The following UNC80 variants were observed in gnomAD, a reference collection of about 807,000 sequenced individuals.
The protein encoded by UNC80 is protein unc-80 homolog.
Under a neutral mutation model 384.6 loss-of-function variants are expected in UNC80, and 164 were observed. The ratio of observed to expected loss-of-function variants is 0.43; its 90% confidence interval spans 0.38 to 0.49. The LOEUF is 0.49. UNC80 is among the 20% of genes least tolerant of loss of function. The pLI is 0.00. For synonymous variants in UNC80, 1,486 were observed against 1,527.8 expected, an observed-to-expected ratio of 0.97 and a Z score of 0.64; for missense variants, 3,330 against 4,143.0, an observed-to-expected ratio of 0.80 and a Z score of 5.39.
chr2:209,944,442 C>A (rs1575101370), intron 45 of UNC80, among the ~76,000 whole-genome samples: 2 of 152,038 alleles, frequency 1.3e-5, no homozygotes, highest in Non-Finnish European at 2.9e-5. Flanking sequence ...ATGCTTTTGT[C>A]TTTGCTTGTT....
In UNC80 at chr2:209,819,083, A is replaced by G. The variant is rs1164824687; in HGVS notation, c.1784A>G (p.His595Arg). The change falls in exon 12 of 65, where the codon CAT becomes CGT. Residue 595 changes from histidine (H) to arginine (R), a missense_variant. By Grantham distance (29) the His-to-Arg change is conservative. Around this residue, in one of 8 missense-constraint regions of UNC80, gnomAD observed 937 missense variants for 1,026.8 expected, o/e 0.91. Coordinates refer to ENST00000673920, the MANE Select transcript of UNC80 (RefSeq NM_001371986.1). ...NVGYADFFNE[H>R]MRKLCNQVPI... ...GGCTATGCAGACTTTTTCAATGAGCATATGAGGAAACTCTGCAACCAGGTG... is the reference window on the plus strand; with the variant it reads ...GGCTATGCAGACTTTTTCAATGAGCGTATGAGGAAACTCTGCAACCAGGTG... 1 of 1,552,136 alleles carries G rather than the reference A, an allele frequency of 6.4e-7. No individual in the cohort carries two copies.
intron 4 of UNC80, among the ~76,000 whole-genome samples, chr2:209,785,636 A>T (rs151211276): frequency 6.6e-6 from 1 of 152,208 alleles, no homozygotes; most frequent in Non-Finnish European, 1.5e-5. Flanking sequence ...ACTGGACAAT[A>T]GAATGTCAAA....
At chr2:209,982,852 C>A (rs547792653) in intron 60 of UNC80, 2 of 151,760 alleles carry the variant, frequency 1.3e-5, no homozygotes, top group East Asian at 3.9e-4. Flanking sequence ...AACTTCTCAT[C>A]TATAGTTCTA....
At chr2:209,787,753 A>G (rs2077531936) in intron 5 of UNC80, among the ~76,000 whole-genome samples, 1 of 152,218 alleles carries the variant, frequency 6.6e-6, no homozygotes, top group Non-Finnish European at 1.5e-5. Flanking sequence ...TATAATAATA[A>G]CCAACAAGTA....
intron 22 of UNC80, among the ~76,000 whole-genome samples, chr2:209,864,748 A>T (rs2083590749): frequency 6.6e-6 from 1 of 152,138 alleles, no homozygotes; most frequent in African/African-American, 2.4e-5. Flanking sequence ...GGCTATAGAG[A>T]TGGGTGCCAC....
chr2:209,790,633 G>A (rs994671191), intron 6 of UNC80, among the ~76,000 whole-genome samples: 2 of 152,130 alleles, frequency 1.3e-5, no homozygotes, highest in Non-Finnish European at 2.9e-5. Flanking sequence ...ATAAGCATAT[G>A]TCAGAGGGAA....
intron 26 of UNC80, among the ~76,000 whole-genome samples, chr2:209,889,142 T>C (rs750587700): frequency 6.6e-6 from 1 of 152,196 alleles, no homozygotes; most frequent in Non-Finnish European, 1.5e-5. Flanking sequence ...TAACCAGATA[T>C]GAAGTTTTTA....
intron 7 of UNC80, among the ~76,000 whole-genome samples, chr2:209,813,158 G>A (rs971861292): frequency 6.6e-6 from 1 of 152,162 alleles, no homozygotes; most frequent in African/African-American, 2.4e-5. Flanking sequence ...TAGCATAAAG[G>A]AAGCATTTTA....
intron 24 of UNC80, among the ~76,000 whole-genome samples, chr2:209,879,006 T>C (rs552058305): frequency 6.6e-6 from 1 of 152,240 alleles, no homozygotes; most frequent in East Asian, 1.9e-4. Context: ...AGAAAACTCT[T>C]ATGATCTTCC....
intron 51 of UNC80, among the ~76,000 whole-genome samples, chr2:209,961,937 T>G (rs2092604317): frequency 6.6e-6 from 1 of 152,152 alleles, no homozygotes; most frequent in African/African-American, 2.4e-5. Flanking sequence ...CATTTTTGTT[T>G]AAGTTTAACA....
intron 7 of UNC80, among the ~76,000 whole-genome samples, chr2:209,804,752 GTTTTTTTT>G (rs1207346964): frequency 0.028 from 3,145 of 113,920 alleles, 106 homozygotes; most frequent in African/African-American, 0.11. Flanking sequence ...AATTTAGAGA[GTTTTTTTT>G]TTGTTTTGTT....
At chr2:209,943,303 G>C in intron 44 of UNC80, 77 bp from the exon 45 acceptor site, 1 of 1,511,260 alleles carries the variant, frequency 6.6e-7, no homozygotes, top group South Asian at 1.3e-5. Context: ...AGCTTCCCAT[G>C]ACCATGAGTT....
chr2:209,959,206 T>C, intron 50 of UNC80, 52 bp downstream of exon 50: 3 of 1,534,628 alleles, frequency 2.0e-6, no homozygotes, highest in Non-Finnish European at 2.7e-6. Context: ...CTTGAGATGA[T>C]TGCCTTTTAA....
intron 35 of UNC80, among the ~76,000 whole-genome samples, chr2:209,922,601 G>T (rs2090125811): frequency 6.6e-6 from 1 of 152,030 alleles, no homozygotes; most frequent in South Asian, 2.1e-4. Context: ...TAATTACATT[G>T]CATGTAATCA....
chr2:209,906,895 G>A (rs1477261723), intron 29 of UNC80, among the ~76,000 whole-genome samples: 1 of 152,042 alleles, frequency 6.6e-6, no homozygotes, highest in Non-Finnish European at 1.5e-5. Flanking sequence ...TATGTTGAAA[G>A]TTTCAAAAAT....
At chr2:209,941,549 G>T (rs762866283) in intron 44 of UNC80, 60 bp downstream of exon 44, 1 of 1,422,972 alleles carries the variant, frequency 7.0e-7, no homozygotes, top group Non-Finnish European at 9.3e-7. Context: ...ATATCTAGCC[G>T]TTCAACTAGA....
At chr2:209,817,993 C>T in intron 11 of UNC80, 41 bp downstream of exon 11, 5 of 1,547,860 alleles carry the variant, frequency 3.2e-6, no homozygotes, top group Non-Finnish European at 4.4e-6. Context: ...GTTCAGAGTT[C>T]TTTTTTTGTT....
At chr2:209,905,658 C>T (rs1015666985) in intron 29 of UNC80, among the ~76,000 whole-genome samples, 5 of 152,194 alleles carry the variant, frequency 3.3e-5, no homozygotes, top group African/African-American at 1.2e-4. Flanking sequence ...ACAGCAGCAA[C>T]AGGAAACTAA....
At position 209,820,452 on chromosome 2, in the gene UNC80, AAGGAAAATG is replaced by A. The variant is rs2080054815; in HGVS notation, c.2107_2115del (p.Glu703_Glu705del). On this transcript the variant is annotated inframe_deletion, in exon 13 of 65. Coordinates refer to ENST00000673920, the MANE Select transcript of UNC80 (RefSeq NM_001371986.1). ...AAAGAATAGAAAGAAGAGTGAAAACAAGGAAAATGAGACCTTGGAAAAGAGGCCAAGTGA... is the reference window on the plus strand; with the variant it reads ...AAAGAATAGAAAGAAGAGTGAAAACAAGACCTTGGAAAAGAGGCCAAGTGA... 1.3e-6 allele frequency: 2 copies of A among 1,551,756 alleles called. No homozygotes were observed. The highest frequency in any genetic ancestry group is 4.9e-5 in the East Asian group (2 of 40,922).
Sources: allele counts gnomAD v4.1 joint callset (sites outside exome capture counted in the v4.1 genomes callset), GRCh38; gene constraint gnomAD v4.1.1; regional missense constraint gnomAD v4.1.1; transcripts MANE v1.5; gene names NCBI Gene and HGNC (gene_info 2026-07-23, HGNC 2026-07-21).